PUDP: variants seen among roughly 807,000 people sequenced by gnomAD.
PUDP encodes pseudouridine 5'-phosphatase.
Under a neutral mutation model 9.4 loss-of-function variants are expected in PUDP, and 8 were observed. The observed-to-expected ratio is 0.85, with a 90% CI of 0.50 to 1.53. The LOEUF is 1.53. Ranked by LOEUF, PUDP falls within the 40% of genes most tolerant of loss-of-function variation. The pLI is 0.00. For missense variants in PUDP, 188 were observed against 189.7 expected, an observed-to-expected ratio of 0.99 and a Z score of 0.05; for synonymous variants, 99 against 80.7, an observed-to-expected ratio of 1.23 and a Z score of -1.22.
chrX:6,919,567 C>A (rs1047432353), intron 3 of PUDP, among the ~76,000 whole-genome samples: 3 of 110,295 alleles, frequency 2.7e-5, no homozygotes, highest in Non-Finnish European at 5.7e-5. Flanking sequence ...AGGAGAACGA[C>A]TTGAGAATCC....
intron 2 of PUDP, among the ~76,000 whole-genome samples, chrX:7,079,279 A>G (rs756329361): frequency 8.9e-6 from 1 of 112,910 alleles, no homozygotes; most frequent in South Asian, 3.6e-4. Flanking sequence ...TCAATAAGAC[A>G]TAATTCTAAA....
At chrX:6,779,252 C>A (rs910958385) in intron 3 of PUDP, among the ~76,000 whole-genome samples, 11 of 111,526 alleles carry the variant, frequency 9.9e-5, no homozygotes, top group Admixed American at 9.5e-4. Flanking sequence ...TTCATTCATC[C>A]TCCTTGTGAA....
At chrX:6,723,875 C>T (rs775044390), upstream of PUDP, among the ~76,000 whole-genome samples, 9 of 111,288 alleles carry the variant, frequency 8.1e-5, no homozygotes, top group South Asian at 3.7e-4. Context: ...TCAGTAAATA[C>T]GGCAAAAATG....
intron 3 of PUDP, among the ~76,000 whole-genome samples, chrX:7,065,384 G>A (rs1157450565): frequency 8.9e-6 from 1 of 111,954 alleles, no homozygotes; most frequent in Non-Finnish European, 1.9e-5. Context: ...AGGAGACTTG[G>A]TTCGAGTTTT....
chrX:7,063,128 C>T (rs1207732104), intron 3 of PUDP, among the ~76,000 whole-genome samples: 2 of 111,357 alleles, frequency 1.8e-5, no homozygotes, highest in African/African-American at 3.3e-5. Flanking sequence ...AGCAGTTACA[C>T]TGGTACAACA....
rs1022414975 is a variant in PUDP at position 6,904,857 on chromosome X, C to T, written c.*247+72276G>A. ...GGGAGAGAAAGCAGGGCAAGAATGA[C>T]AGACACACACACAAGCCCTCTAAGC... On this transcript the variant is annotated intron_variant and NMD_transcript_variant, in intron 3 of 3. Transcript: ENST00000655425. Among the ~76,000 whole-genome samples, 5 of 112,167 alleles carry T rather than the reference C, an allele frequency of 4.5e-5. No individual in the cohort carries two copies. The Admixed American group carries it at 4.7e-4, about 11-fold the overall frequency.
chrX:6,717,583 C>T (rs1196899641), intron 1 of PUDP, among the ~76,000 whole-genome samples: 1 of 112,087 alleles, frequency 8.9e-6, no homozygotes. Flanking sequence ...CCTACATAAT[C>T]CTCTCCCCTT....
intron 2 of PUDP, chrX:7,085,253 T>C (rs1277441344): frequency 8.9e-6 from 1 of 112,666 alleles, no homozygotes; most frequent in African/African-American, 3.2e-5. Context: ...TCCAGGTTCT[T>C]CACAAATGTC....
At chrX:6,883,416 T>A (rs566302665) in intron 3 of PUDP, among the ~76,000 whole-genome samples, 2 of 105,769 alleles carry the variant, frequency 1.9e-5, no homozygotes, top group Admixed American at 2.1e-4. Context: ...CTGATACTTA[T>A]GAGGCTGAGA....
chrX:6,816,749 G>T (rs11795960), intron 3 of PUDP, among the ~76,000 whole-genome samples: 47,106 of 90,464 alleles, frequency 0.52, 10,868 homozygotes, highest in African/African-American at 0.8. Flanking sequence ...TAGTATATAC[G>T]ATATAGTATA....
intron 3 of PUDP, among the ~76,000 whole-genome samples, chrX:6,968,534 A>G (rs1928821893): frequency 9.0e-6 from 1 of 110,654 alleles, no homozygotes; most frequent in Admixed American, 9.6e-5. Context: ...TCTCTGCGGG[A>G]GAGTTTGGTG....
At chrX:6,706,915 T>C (rs189562072) in intron 1 of PUDP, among the ~76,000 whole-genome samples, 1 of 111,407 alleles carries the variant, frequency 9.0e-6, no homozygotes, top group East Asian at 2.8e-4. Flanking sequence ...TTGTCCTTTG[T>C]TGTGTCACTT....
In PUDP at chrX:6,842,240, G is replaced by A. The variant is rs186774697; in HGVS notation, c.*247+134893C>T. ...AATATATGTTACTATTATGAAAAACGTAACATATACACTTACATATGTATT... is the reference window on the plus strand; with the variant it reads ...AATATATGTTACTATTATGAAAAACATAACATATACACTTACATATGTATT... On this transcript the variant is annotated intron_variant and NMD_transcript_variant, in intron 3 of 3. Transcript: ENST00000655425. Among the ~76,000 whole-genome samples, 31 of 111,893 alleles carry A rather than the reference G, an allele frequency of 2.8e-4. 1 individual carries two copies. In the East Asian group the frequency reaches 3.6e-3, roughly 13 times the overall value.
At chrX:6,894,064 C>T (rs1927553011) in intron 3 of PUDP, among the ~76,000 whole-genome samples, 1 of 110,890 alleles carries the variant, frequency 9.0e-6, no homozygotes, top group African/African-American at 3.3e-5. Flanking sequence ...CACATGGACA[C>T]GTGGAGGGGA....
chrX:6,807,949 T>C (rs1434814547), intron 3 of PUDP, among the ~76,000 whole-genome samples: 2 of 112,030 alleles, frequency 1.8e-5, no homozygotes, highest in African/African-American at 6.5e-5. Flanking sequence ...GTAGAAAATA[T>C]GTTCATGGAG....
intron 1 of PUDP, among the ~76,000 whole-genome samples, chrX:7,110,949 A>C (rs1932029691): frequency 8.9e-6 from 1 of 111,795 alleles, no homozygotes; most frequent in Non-Finnish European, 1.9e-5. Context: ...CTGGATGTAT[A>C]CGTGCAGGTC....
At chrX:7,119,879 CAG>C (rs1329032720) in intron 1 of PUDP, among the ~76,000 whole-genome samples, 2 of 111,849 alleles carry the variant, frequency 1.8e-5, no homozygotes, top group Non-Finnish European at 3.8e-5. Context: ...GTAAAGAAAA[CAG>C]GAGAAAAATT....
intron 3 of PUDP, among the ~76,000 whole-genome samples, chrX:6,946,249 G>A (rs1284423327): frequency 8.9e-6 from 1 of 111,819 alleles, no homozygotes; most frequent in African/African-American, 3.3e-5. Flanking sequence ...CCTTGTACAT[G>A]GGACACATGA....
At chrX:6,823,125 C>T (rs1404850986) in intron 3 of PUDP, among the ~76,000 whole-genome samples, 2 of 111,336 alleles carry the variant, frequency 1.8e-5, no homozygotes, top group African/African-American at 6.5e-5. Context: ...TGCAGTGAGC[C>T]ATGATCTTGC....
Sources: allele counts gnomAD v4.1 joint callset (sites outside exome capture counted in the v4.1 genomes callset), GRCh38; gene constraint gnomAD v4.1.1; transcripts MANE v1.5; gene names NCBI Gene and HGNC (gene_info 2026-07-23, HGNC 2026-07-21).